Variants in TNRC6B observed in about 807,000 individuals in gnomAD.
TNRC6B encodes trinucleotide repeat-containing gene 6B protein.
Under a neutral mutation model 203.6 loss-of-function variants are expected in TNRC6B, and 52 were observed. That is an observed-to-expected ratio of 0.26 (90% confidence interval 0.20 to 0.32). The LOEUF (loss-of-function observed/expected upper bound fraction) is 0.32. Ranked by LOEUF, TNRC6B falls within the 10% of genes least tolerant of loss-of-function variation. The pLI, the probability that TNRC6B is intolerant of heterozygous loss-of-function variation, is 1.00. For synonymous variants in TNRC6B, 838 were observed against 845.7 expected (o/e 0.99, Z 0.16); for missense variants, 1,923 against 2,286.2 (o/e 0.84, Z 3.24).
chr22:40,156,755 G>GTTTTTTTTTTTT (rs542249864), intron 4 of TNRC6B, among the ~76,000 whole-genome samples: 2 of 135,008 alleles, frequency 1.5e-5, no homozygotes, highest in African/African-American at 2.8e-5. Context: ...TTTGTTGTTG[G>GTTTTTTTTTTTT]TTTTTTTTTT....
At chr22:40,131,298 C>T (rs1480252799) in intron 3 of TNRC6B, among the ~76,000 whole-genome samples, 3 of 151,964 alleles carry the variant, frequency 2.0e-5, no homozygotes, top group African/African-American at 4.8e-5. Flanking sequence ...CAGCATCTTC[C>T]GTAACATTTT....
At chr22:40,207,198 C>T (rs5757873) in intron 1 of TNRC6B, among the ~76,000 whole-genome samples, 2 of 151,950 alleles carry the variant, frequency 1.3e-5, no homozygotes, top group African/African-American at 4.8e-5. Context: ...AAAATTATTT[C>T]TAGAAACAAA....
At chr22:40,125,824 A>G (rs1433841413) in exon 3 of TNRC6B, 9 of 1,612,016 alleles carry the variant, frequency 5.6e-6, no homozygotes, top group Non-Finnish European at 7.6e-6. Flanking sequence ...TCCCATGCAA[A>G]CCAATGAGGG....
chr22:40,046,016 C>G (rs1162572930), intron 1 of TNRC6B, among the ~76,000 whole-genome samples: 2 of 152,060 alleles, frequency 1.3e-5, no homozygotes, highest in African/African-American at 4.8e-5. Flanking sequence ...CAAAATTGGT[C>G]AAAGATATTT....
intron 1 of TNRC6B, among the ~76,000 whole-genome samples, chr22:40,229,031 T>A (rs2069830983): frequency 6.6e-6 from 1 of 152,130 alleles, no homozygotes; most frequent in Admixed American, 6.5e-5. Context: ...TCCTTTGAAG[T>A]CAAGCAAAAC....
intron 1 of TNRC6B, among the ~76,000 whole-genome samples, chr22:40,094,917 T>C (rs776335832): frequency 3.9e-5 from 6 of 152,192 alleles, no homozygotes; most frequent in Non-Finnish European, 5.9e-5. Context: ...TGGATGTTGC[T>C]CTGTTTTAGT....
intron 1 of TNRC6B, among the ~76,000 whole-genome samples, chr22:40,245,526 A>G (rs1205118337): frequency 1.3e-5 from 2 of 152,152 alleles, no homozygotes; most frequent in Admixed American, 6.5e-5. Context: ...AAAATTTAGA[A>G]TACAGAACAT....
At chr22:40,275,121 A>G (rs2070620973) in intron 7 of TNRC6B, among the ~76,000 whole-genome samples, 1 of 152,206 alleles carries the variant, frequency 6.6e-6, no homozygotes. Flanking sequence ...CTTTTATAGC[A>G]TAAGAATACA....
intron 1 of TNRC6B, among the ~76,000 whole-genome samples, chr22:40,211,263 A>G (rs2069558771): frequency 6.6e-6 from 1 of 151,976 alleles, no homozygotes; most frequent in Non-Finnish European, 1.5e-5. Context: ...TATTTTTTGT[A>G]GAAAGGAGGT....
At chr22:40,300,881 G>T (rs371000766) in intron 13 of TNRC6B, 29 bp from the exon 14 acceptor site, 1 of 1,605,286 alleles carries the variant, frequency 6.2e-7, no homozygotes, top group Admixed American at 1.7e-5. Context: ...GGAAACTTTG[G>T]TTTTCTGTCT....
chr22:40,071,493 A>C (rs987802043), intron 1 of TNRC6B, among the ~76,000 whole-genome samples: 1 of 152,176 alleles, frequency 6.6e-6, no homozygotes, highest in African/African-American at 2.4e-5. Flanking sequence ...AGTAACGTAT[A>C]CTTGTGTGTC....
Position 40,266,663 on chromosome 22 carries a change from A to G in TNRC6B, c.2433A>G (p.Arg811=), listed in dbSNP as rs2070485383. The change falls in exon 5 of 23, where the codon CGA becomes CGG. Residue 811 remains arginine, a synonymous_variant. Transcript: ENST00000454349. ...CCCCAGCATGGAATGAGACGGGCCG[A>G]CAGCCCAATTCCTGGAATAAACAAC... ...KRSPAWNETG[R]QPNSWNKQHQ... 1 of 1,613,354 alleles carries G rather than the reference A, an allele frequency of 6.2e-7. No homozygotes were observed. The highest frequency in any genetic ancestry group is 8.5e-7 in the Non-Finnish European group (1 of 1,179,630).
chr22:40,219,379 C>T (rs1345231447), intron 1 of TNRC6B, among the ~76,000 whole-genome samples: 1 of 152,112 alleles, frequency 6.6e-6, no homozygotes. Flanking sequence ...ATGACCTAAG[C>T]AAAGGTCTAG....
At chr22:40,215,037 C>A (rs2069616964) in intron 1 of TNRC6B, among the ~76,000 whole-genome samples, 1 of 152,064 alleles carries the variant, frequency 6.6e-6, no homozygotes, top group Non-Finnish European at 1.5e-5. Flanking sequence ...AAGTTTGACA[C>A]CTTACTAAAG....
At chr22:40,189,516 G>C (rs1601870333) in intron 1 of TNRC6B, among the ~76,000 whole-genome samples, 1 of 143,978 alleles carries the variant, frequency 6.9e-6, no homozygotes, top group Non-Finnish European at 1.5e-5. Context: ...AAAAAAAAAA[G>C]AGGTTTCTTT....
chr22:40,173,477 A>G (rs1246655977), upstream of TNRC6B, among the ~76,000 whole-genome samples: 1 of 148,736 alleles, frequency 6.7e-6, no homozygotes, highest in Non-Finnish European at 1.5e-5. Flanking sequence ...AACAAAACAG[A>G]TATATATATA....
intron 21 of TNRC6B, among the ~76,000 whole-genome samples, chr22:40,320,373 A>C (rs1005734509): frequency 6.6e-6 from 1 of 152,190 alleles, no homozygotes; most frequent in Non-Finnish European, 1.5e-5. Context: ...CCACCTACTC[A>C]GGATGCTGAG....
intron 1 of TNRC6B, among the ~76,000 whole-genome samples, chr22:40,079,596 T>C (rs996803442): frequency 6.6e-6 from 1 of 151,512 alleles, no homozygotes; most frequent in African/African-American, 2.4e-5. Flanking sequence ...TTTTATGATA[T>C]GAAGAAGCAG....
chr22:40,088,409 T>TTTG (rs925281341), intron 1 of TNRC6B, among the ~76,000 whole-genome samples: 7 of 152,096 alleles, frequency 4.6e-5, no homozygotes, highest in Admixed American at 2.0e-4. Flanking sequence ...TTTTGTTTTC[T>TTTG]TTGTTGTTGT....
Sources: gnomAD v4.1 joint callset for allele counts (sites outside exome capture counted in the v4.1 genomes callset) on GRCh38, gnomAD v4.1.1 for gene constraint, MANE v1.5 for transcripts, NCBI Gene and HGNC (gene_info 2026-07-23, HGNC 2026-07-21) for gene names.